Variants in ITSN1 observed in about 807,000 individuals in gnomAD.
ITSN1 encodes intersectin-1.
ITSN1 carries 58 observed loss-of-function variants against 239.8 expected under a neutral mutation model. The observed-to-expected ratio is 0.24, with a 90% CI of 0.20 to 0.30. The LOEUF is 0.30. Ranked by LOEUF, ITSN1 falls within the 10% of genes least tolerant of loss-of-function variation. ITSN1 has a pLI of 1.00. For missense variants in ITSN1, 1,558 were observed against 2,103.3 expected, an observed-to-expected ratio of 0.74 and a Z score of 5.07; for synonymous variants, 780 against 770.8, an observed-to-expected ratio of 1.01 and a Z score of -0.20.
At chr21:33,643,640 C>T (rs1198000176) in intron 1 of ITSN1, 1 of 152,066 alleles carries the variant, frequency 6.6e-6, no homozygotes, top group Non-Finnish European at 1.5e-5. Context: ...TTTTTATAGC[C>T]TCTTCAATAT....
rs879190385 is a variant in ITSN1 at position 33,802,575 on chromosome 21, G to T, written c.2319+131G>T. ...GCAGTAAAAATGTGTTTGAGTCTGT[G>T]TAGTAGGTTGTGCTTTTTAAAAAAA... On this transcript the variant is annotated intron_variant, in intron 20 of 39. Transcript: ENST00000381318. 17 of 830,984 alleles carry T rather than the reference G, an allele frequency of 2.0e-5. 1 individual carries two copies. The South Asian group carries it at 2.5e-4, about 12-fold the overall frequency. The allele number at this position is 830,984 out of a possible 1,614,324, so 51.5% of individuals were successfully genotyped here.
intron 1 of ITSN1, among the ~76,000 whole-genome samples, chr21:33,702,849 G>A (rs779908107): frequency 7.9e-5 from 12 of 152,116 alleles, no homozygotes; most frequent in Admixed American, 3.3e-4. Context: ...AGGCTGAGGC[G>A]GGCAGATCAC....
rs368548180 is a variant in ITSN1, at chr21:33,774,878, A to G, written c.1455A>G (p.Leu485=). 7 of 1,610,042 alleles carry G rather than the reference A, an allele frequency of 4.3e-6. No individual in the cohort carries two copies. Among genetic ancestry groups the G allele is most frequent in the Non-Finnish European group, 5.1e-6 (6 of 1,178,724 alleles). ...CTTTGGAATTTGAATTAGAAGCTCT[A>G]GTGAGTGAAGTTTGGTTATACTTTG... ...KKTLEFELEA[L]NDKKHQLEGK... is the part of the protein sequence containing the mutation. Residue 485 remains leucine (L), a splice_region_variant and synonymous_variant, in exon 13 of 40, where the codon CTA becomes CTG. Transcript: ENST00000381318.
At chr21:33,698,770 T>G (rs1425378035) in intron 1 of ITSN1, among the ~76,000 whole-genome samples, 1 of 152,222 alleles carries the variant, frequency 6.6e-6, no homozygotes, top group Non-Finnish European at 1.5e-5. Context: ...CAGGGCAGCT[T>G]TCTTCTTTTT....
intron 30 of ITSN1, among the ~76,000 whole-genome samples, chr21:33,857,614 G>T (rs181459469): frequency 6.6e-6 from 1 of 152,324 alleles, no homozygotes; most frequent in African/African-American, 2.4e-5. Context: ...TAACATCCAG[G>T]AAAGACGCAG....
chr21:33,787,969 A>G (rs2300380), intron 16 of ITSN1, among the ~76,000 whole-genome samples: 22,224 of 152,102 alleles, frequency 0.15, 2,048 homozygotes, highest in East Asian at 0.28. Flanking sequence ...TGCTTGGTTG[A>G]GTTTTTTAGT....
intron 4 of ITSN1, among the ~76,000 whole-genome samples, chr21:33,726,154 C>T (rs1262415813): frequency 3.3e-5 from 5 of 152,080 alleles, no homozygotes; most frequent in African/African-American, 7.2e-5. Context: ...CGACCATGCC[C>T]GCCTAACCTT....
At chr21:33,787,704 C>G (rs180725884) in intron 16 of ITSN1, among the ~76,000 whole-genome samples, 7 of 152,138 alleles carry the variant, frequency 4.6e-5, no homozygotes, top group Non-Finnish European at 1.0e-4. Flanking sequence ...GAAAAAAATG[C>G]TTGTGAAGGG....
Position 33,886,288 on chromosome 21 carries a change from A to G in ITSN1, c.4845A>G (p.Gly1615=). 6.2e-7 allele frequency: 1 copy of G among 1,613,736 alleles called. No homozygotes were observed. The change falls in exon 39 of 40, where the codon GGA becomes GGG. Residue 1615 remains glycine, a splice_region_variant and synonymous_variant. Coordinates refer to ENST00000381318, the MANE Select transcript of ITSN1 (RefSeq NM_003024.3). ...GGCGAAGGCTTTTGTTCCCTCCAGG[A>G]AAGAGCAACCCGTACTGTGAGGTGA... ...GIELKPCRSH[G]KSNPYCEVTM... is the part of the protein sequence containing the mutation.
chr21:33,861,085 G>A (rs932031471), intron 31 of ITSN1, among the ~76,000 whole-genome samples: 1 of 152,032 alleles, frequency 6.6e-6, no homozygotes, highest in African/African-American at 2.4e-5. Context: ...AGCCTTCTGG[G>A]GACCTGATTT....
At chr21:33,747,060 A>G (rs947385087) in intron 5 of ITSN1, among the ~76,000 whole-genome samples, 4 of 152,218 alleles carry the variant, frequency 2.6e-5, no homozygotes, top group Non-Finnish European at 5.9e-5. Context: ...AGTCTGAGGC[A>G]GGAGAATAAC....
intron 12 of ITSN1, among the ~76,000 whole-genome samples, chr21:33,772,894 C>T (rs1367332745): frequency 6.6e-6 from 1 of 151,948 alleles, no homozygotes; most frequent in Non-Finnish European, 1.5e-5. Flanking sequence ...TCTGTATACA[C>T]CTATATAAAA....
chr21:33,814,014 G>A lies in ITSN1; in HGVS notation c.2669G>A (p.Arg890Lys), dbSNP rs1438500944. The A allele has an allele frequency of 1.9e-6, 3 of 1,613,998 alleles. No individual in the cohort carries two copies. The South Asian group carries it at 3.3e-5, about 18-fold the overall frequency. Residue 890 changes from arginine to lysine, a missense_variant, in exon 22 of 40, where the codon AGG becomes AAG. Physicochemically the swap from Arg to Lys is conservative, Grantham distance 26. Transcript: ENST00000381318. ...TVPSAGQLRQ[R>K]SAFTPATATG... is the part of the protein sequence containing the mutation. Reference sequence around the variant, plus strand: ...CCAAGTGCCGGCCAGTTAAGGCAGAGGTCCGCCTTTACTCCAGCCACGGCC... The same window carrying A: ...CCAAGTGCCGGCCAGTTAAGGCAGAAGTCCGCCTTTACTCCAGCCACGGCC...
At chr21:33,872,714 T>G (rs534843551) in intron 33 of ITSN1, among the ~76,000 whole-genome samples, 1 of 152,228 alleles carries the variant, frequency 6.6e-6, no homozygotes, top group African/African-American at 2.4e-5. Context: ...GTGTTTTTAG[T>G]GGAGACGGGG....
chr21:33,864,850 G>A (rs1981283558), intron 31 of ITSN1, among the ~76,000 whole-genome samples: 2 of 152,148 alleles, frequency 1.3e-5, no homozygotes, highest in Admixed American at 1.3e-4. Context: ...CCGATAATCT[G>A]TGTAGTGAGG....
At chr21:33,769,057 A>G (rs1015308466) in intron 11 of ITSN1, among the ~76,000 whole-genome samples, 1 of 152,134 alleles carries the variant, frequency 6.6e-6, no homozygotes, top group Non-Finnish European at 1.5e-5. Context: ...AGACTGGGGA[A>G]GATATGAGGA....
intron 1 of ITSN1, among the ~76,000 whole-genome samples, chr21:33,656,166 G>A (rs998091671): frequency 1.3e-5 from 2 of 152,094 alleles, no homozygotes; most frequent in Non-Finnish European, 2.9e-5. Context: ...CAAGGGAAAC[G>A]TGTACTCTCA....
intron 5 of ITSN1, among the ~76,000 whole-genome samples, chr21:33,740,807 G>A (rs1180461795): frequency 1.3e-5 from 2 of 152,186 alleles, no homozygotes; most frequent in Non-Finnish European, 2.9e-5. Flanking sequence ...GCTCATGCCT[G>A]TAATCGCAGC....
At chr21:33,846,616 C>T (rs2074998676) in intron 29 of ITSN1, among the ~76,000 whole-genome samples, 1 of 152,234 alleles carries the variant, frequency 6.6e-6, no homozygotes, top group African/African-American at 2.4e-5. Context: ...CATGGCGCCT[C>T]ACTCTTGCCA....
Sources: allele counts gnomAD v4.1 joint callset (sites outside exome capture counted in the v4.1 genomes callset), GRCh38; gene constraint gnomAD v4.1.1; transcripts MANE v1.5; gene names NCBI Gene and HGNC (gene_info 2026-07-23, HGNC 2026-07-21).